The following USP53 variants were observed in gnomAD, a reference collection of about 807,000 sequenced individuals.
USP53 encodes the protein ubiquitin carboxyl-terminal hydrolase 53.
Under a neutral mutation model 94.9 loss-of-function variants are expected in USP53, and 71 were observed. The observed-to-expected ratio is 0.75, with a 90% CI of 0.62 to 0.91. The LOEUF (loss-of-function observed/expected upper bound fraction) is 0.91. Ranked by LOEUF, USP53 falls within the 40% of genes least tolerant of loss-of-function variation. The pLI is 0.00. For synonymous variants in USP53, 375 were observed against 422.7 expected, an observed-to-expected ratio of 0.89 and a Z score of 1.39; for missense variants, 1,173 against 1,281.0, an observed-to-expected ratio of 0.92 and a Z score of 1.29.
intron 7 of USP53, among the ~76,000 whole-genome samples, chr4:119,249,752 C>A (rs142185774): frequency 6.7e-6 from 1 of 149,404 alleles, no homozygotes; most frequent in Non-Finnish European, 1.5e-5. Context: ...GCAAGCTCCA[C>A]CTCCTGGGTT....
chr4:119,225,578 C>G (rs1232963298), intron 3 of USP53, among the ~76,000 whole-genome samples: 1 of 152,026 alleles, frequency 6.6e-6, no homozygotes, highest in African/African-American at 2.4e-5. Flanking sequence ...AACCCCATCT[C>G]TACTAAAAAT....
intron 5 of USP53, among the ~76,000 whole-genome samples, chr4:119,244,941 A>G (rs190429818): frequency 2.0e-5 from 3 of 152,272 alleles, no homozygotes; most frequent in Non-Finnish European, 2.9e-5. Flanking sequence ...TTAAAGTCTA[A>G]TTATATTTCC....
chr4:119,274,470 G>A (rs1482861925), intron 17 of USP53, among the ~76,000 whole-genome samples: 1 of 151,978 alleles, frequency 6.6e-6, no homozygotes, highest in Non-Finnish European at 1.5e-5. Flanking sequence ...GTGTATATGT[G>A]CCACATTTTC....
chr4:119,237,571 G>C (rs1386087682), intron 4 of USP53, among the ~76,000 whole-genome samples: 4 of 151,838 alleles, frequency 2.6e-5, no homozygotes, highest in Non-Finnish European at 5.9e-5. Flanking sequence ...AAAAAAGACA[G>C]AATCAGCCTG....
chr4:119,242,218 G>A (rs1747642111), intron 5 of USP53, among the ~76,000 whole-genome samples: 1 of 152,008 alleles, frequency 6.6e-6, no homozygotes, highest in African/African-American at 2.4e-5. Context: ...TGTTGTTGTT[G>A]TTGGATGTCA....
chr4:119,230,902 T>G (rs1301076815), intron 3 of USP53, among the ~76,000 whole-genome samples: 2 of 152,002 alleles, frequency 1.3e-5, no homozygotes. Context: ...TAGGTCTAAT[T>G]GGTGGGTTTA....
chr4:119,276,502 A>G (rs1752665030), intron 17 of USP53, among the ~76,000 whole-genome samples: 1 of 151,850 alleles, frequency 6.6e-6, no homozygotes, highest in Non-Finnish European at 1.5e-5. Context: ...TTGTTTTGCC[A>G]GTATTTTATT....
chr4:119,231,023 T>C (rs1291234685), intron 3 of USP53, among the ~76,000 whole-genome samples: 1 of 152,066 alleles, frequency 6.6e-6, no homozygotes, highest in Non-Finnish European at 1.5e-5. Context: ...GTCAAGTGGG[T>C]TGTATTTCAC....
chr4:119,271,484 C>G lies in USP53; in HGVS notation c.1624C>G (p.Pro542Ala). 2 of 1,613,324 alleles carry G rather than the reference C, an allele frequency of 1.2e-6. No homozygotes were observed. The highest frequency in any genetic ancestry group is 8.5e-7 in the Non-Finnish European group (1 of 1,179,926). The change falls in exon 16 of 19, where the codon CCA becomes GCA. Residue 542 changes from proline (P) to alanine (A), a missense_variant. Physicochemically the swap from Pro to Ala is conservative, Grantham distance 27. Transcript: ENST00000692078. ...TTCAAGTAAATCCCAGATTCTTGCT[C>G]CAGGAGAGAAAATAACTGGCAAAGT... ...ISSSKSQILA[P>A]GEKITGKVKS...
intron 14 of USP53, among the ~76,000 whole-genome samples, chr4:119,269,118 A>T (rs1001579618): frequency 1.3e-5 from 2 of 152,224 alleles, no homozygotes; most frequent in Non-Finnish European, 2.9e-5. Flanking sequence ...AAAAATTCTT[A>T]ATGAAGCTGT....
chr4:119,289,540 G>C (rs2149481386), intron 17 of USP53, among the ~76,000 whole-genome samples: 1 of 152,252 alleles, frequency 6.6e-6, no homozygotes, highest in East Asian at 1.9e-4. Context: ...GTACATATTG[G>C]GTATTCCATA....
In USP53 at chr4:119,261,824, G is replaced by C; in HGVS notation, c.932G>C (p.Ser311Thr). 4 of 1,504,786 alleles carry C rather than the reference G, an allele frequency of 2.7e-6. No individual in the cohort carries two copies. The highest frequency in any genetic ancestry group is 3.6e-6 in the Non-Finnish European group (4 of 1,108,162). 93.2% of individuals were successfully genotyped at this position (1,504,786 alleles called of 1,614,324 possible). ...HYCAFAFHTK[S>T]SKWVFFDDAN... The stretch of plus-strand genomic sequence containing the variant: ...TGTGCCTTTGCATTTCACACCAAAA[G>C]TTCCAAATGGGTATTTTTTGATGAT... The change falls in exon 12 of 19, where the codon AGT (serine) becomes ACT (threonine). Residue 311 changes from serine (S) to threonine (T), a missense_variant. Coordinates refer to ENST00000692078, the MANE Select transcript of USP53 (RefSeq NM_001371395.1).
Position 119,294,391 on chromosome 4 carries a change from T to A in USP53, c.*1180T>A, listed in dbSNP as rs975737355. On this transcript the variant is annotated 3_prime_UTR_variant, in exon 19 of 19. Transcript: ENST00000692078. The stretch of plus-strand genomic sequence containing the variant: ...ATAGTAATTTTACCCCAACTACTTT[T>A]CATGAAGAGTGCTTTGAAAATTAAA... The A allele has an allele frequency of 6.6e-6, 1 of 152,118 alleles. No individual in the cohort carries two copies. Among genetic ancestry groups the A allele is most frequent in the Non-Finnish European group, 1.5e-5 (1 of 67,950 alleles). 9.4% of individuals were successfully genotyped at this position (152,118 alleles called of 1,614,324 possible). A position where few individuals can be genotyped will look rare whatever the true frequency, so the allele number is the denominator to read the frequency against.
intron 12 of USP53, 37 bp downstream of exon 12, chr4:119,261,901 G>T: frequency 7.2e-7 from 1 of 1,395,600 alleles, no homozygotes; most frequent in Non-Finnish European, 9.4e-7. Flanking sequence ...TAATTACTGT[G>T]ATTTTTACTT....
rs1578415080 is a variant in USP53 at position 119,225,200 on chromosome 4, A to T, written c.-665+7527A>T. 3.3e-5 allele frequency among the ~76,000 whole-genome samples: 5 copies of T among 152,306 alleles called. No homozygotes were observed. In the South Asian group the frequency reaches 1.0e-3, roughly 32 times the overall value. ...CCAATAAATTTGACAACTAGGTGAA[A>T]TGGGAAAAGTCCTTTAAAGACACAA... is the stretch of plus-strand genomic sequence containing the variant. On this transcript the variant is annotated intron_variant, in intron 3 of 18. Transcript: ENST00000692078.
rs1755020993 is a variant in USP53, at chr4:119,293,726, C to T, written c.*515C>T. The T allele has an allele frequency of 6.6e-6, 1 of 152,064 alleles. No individual in the cohort carries two copies. The highest frequency in any genetic ancestry group is 2.1e-4 in the South Asian group (1 of 4,828). The allele number at this position is 152,064 out of a possible 1,614,324, so 9.4% of individuals were successfully genotyped here. On this transcript the variant is annotated 3_prime_UTR_variant, in exon 19 of 19. Transcript: ENST00000692078. ...CTGGTACTTTTTTGTCAAAGAATTG[C>T]TTTATGAAGAAGCACTTTCTAATGG...
intron 3 of USP53, among the ~76,000 whole-genome samples, chr4:119,229,854 T>C (rs942353472): frequency 2.6e-5 from 4 of 152,118 alleles, no homozygotes; most frequent in African/African-American, 9.7e-5. Context: ...TGCCACCTAT[T>C]AGATAAAGTC....
intron 3 of USP53, among the ~76,000 whole-genome samples, chr4:119,222,078 A>G (rs960291055): frequency 2.6e-5 from 4 of 152,162 alleles, no homozygotes; most frequent in South Asian, 2.1e-4. Context: ...TCAAGCTTAA[A>G]TTAACATTAA....
chr4:119,265,735 G>A (rs907753651), intron 12 of USP53, among the ~76,000 whole-genome samples: 2 of 152,124 alleles, frequency 1.3e-5, no homozygotes, highest in African/African-American at 2.4e-5. Flanking sequence ...GGAATCCCCA[G>A]TGAGGAGGGT....
Sources: allele counts gnomAD v4.1 joint callset (sites outside exome capture counted in the v4.1 genomes callset), GRCh38; gene constraint gnomAD v4.1.1; transcripts MANE v1.5; gene names NCBI Gene and HGNC (gene_info 2026-07-23, HGNC 2026-07-21).